CNTNAP5: variants seen among roughly 807,000 people sequenced by gnomAD.
The protein encoded by CNTNAP5 is contactin-associated protein-like 5.
Under a neutral mutation model 150.2 loss-of-function variants are expected in CNTNAP5, and 72 were observed. The observed-to-expected ratio is 0.48, with a 90% CI of 0.40 to 0.58. CNTNAP5 has a LOEUF of 0.58. CNTNAP5 is among the 20% of genes least tolerant of loss of function. The pLI is 0.00. For missense variants in CNTNAP5, 1,636 were observed against 1,626.2 expected (o/e 1.01, Z -0.10); for synonymous variants, 672 against 619.8 (o/e 1.08, Z -1.25).
intron 1 of CNTNAP5, among the ~76,000 whole-genome samples, chr2:124,058,635 G>A (rs1397261016): frequency 6.6e-6 from 1 of 152,072 alleles, no homozygotes; most frequent in Non-Finnish European, 1.5e-5. Flanking sequence ...TAATTTGCCT[G>A]TCGTTGTCAT....
intron 3 of CNTNAP5, among the ~76,000 whole-genome samples, chr2:124,278,290 AATTAACTTG>A (rs1259133467): frequency 2.0e-5 from 3 of 152,182 alleles, no homozygotes; most frequent in African/African-American, 7.2e-5. Context: ...AAGAATAACA[AATTAACTTG>A]AAGATAAAAA....
intron 19 of CNTNAP5, among the ~76,000 whole-genome samples, chr2:124,856,231 G>A (rs916657466): frequency 6.6e-6 from 1 of 152,100 alleles, no homozygotes; most frequent in African/African-American, 2.4e-5. Flanking sequence ...TTCTTAATCT[G>A]CTAGTTGATT....
chr2:124,823,841 G>A (rs1682538084), intron 19 of CNTNAP5, among the ~76,000 whole-genome samples: 1 of 152,078 alleles, frequency 6.6e-6, no homozygotes, highest in Middle Eastern at 3.2e-3. Flanking sequence ...ATGGTGATGA[G>A]TTGCTGTCAT....
chr2:124,654,402 C>T (rs1303211700), intron 13 of CNTNAP5, among the ~76,000 whole-genome samples: 1 of 152,144 alleles, frequency 6.6e-6, no homozygotes, highest in African/African-American at 2.4e-5. Context: ...AAGTCATCTC[C>T]TATGCCTAGT....
intron 19 of CNTNAP5, among the ~76,000 whole-genome samples, chr2:124,859,295 A>G (rs539502890): frequency 6.5e-4 from 99 of 152,326 alleles, no homozygotes; most frequent in African/African-American, 2.3e-3. Context: ...GCAGCCAAAA[A>G]ACACATGAAA....
At chr2:124,090,135 GC>G (rs1289642001) in intron 1 of CNTNAP5, among the ~76,000 whole-genome samples, 1 of 152,186 alleles carries the variant, frequency 6.6e-6, no homozygotes, top group African/African-American at 2.4e-5. Context: ...AAAATATCCT[GC>G]ATGTGAGAAG....
chr2:124,907,779 C>T (rs984341631), intron 22 of CNTNAP5, among the ~76,000 whole-genome samples: 5 of 150,226 alleles, frequency 3.3e-5, no homozygotes, highest in East Asian at 2.0e-4. Context: ...GTTACTTTGC[C>T]GAAGGTGTCC....
chr2:124,896,787 C>T (rs1678315919), intron 21 of CNTNAP5, among the ~76,000 whole-genome samples: 1 of 151,618 alleles, frequency 6.6e-6, no homozygotes, highest in South Asian at 2.1e-4. Flanking sequence ...GATCCACACG[C>T]TTCGGCCTCC....
chr2:124,451,288 G>A, intron 6 of CNTNAP5, among the ~76,000 whole-genome samples: 1 of 151,204 alleles, frequency 6.6e-6, no homozygotes, highest in Non-Finnish European at 1.5e-5. Context: ...AAAATACATA[G>A]ATGTTTAATC....
At chr2:124,165,056 T>C (rs1256290664) in intron 1 of CNTNAP5, among the ~76,000 whole-genome samples, 2 of 152,184 alleles carry the variant, frequency 1.3e-5, no homozygotes, top group Admixed American at 6.5e-5. Flanking sequence ...AATGTCTGTG[T>C]ACATGTGGAT....
At chr2:124,288,719 G>T (rs1190484598) in intron 3 of CNTNAP5, among the ~76,000 whole-genome samples, 1 of 151,910 alleles carries the variant, frequency 6.6e-6, no homozygotes, top group Non-Finnish European at 1.5e-5. Context: ...TTCCTAATAG[G>T]CACTTTATTA....
intron 2 of CNTNAP5, among the ~76,000 whole-genome samples, chr2:124,235,791 A>G (rs1389693058): frequency 6.6e-6 from 1 of 152,070 alleles, no homozygotes; most frequent in Admixed American, 6.5e-5. Flanking sequence ...TTATTATCCA[A>G]AATCACCACT....
intron 13 of CNTNAP5, among the ~76,000 whole-genome samples, chr2:124,681,672 G>A (rs899186575): frequency 2.6e-5 from 4 of 152,100 alleles, no homozygotes; most frequent in Non-Finnish European, 4.4e-5. Flanking sequence ...CAAGCTATTC[G>A]CCTGCCTCAG....
chr2:124,573,646 A>G (rs1255385016), intron 11 of CNTNAP5, among the ~76,000 whole-genome samples: 2 of 152,238 alleles, frequency 1.3e-5, no homozygotes, highest in East Asian at 3.8e-4. Context: ...TTCAATCAAC[A>G]GAAGATTAAT....
intron 11 of CNTNAP5, among the ~76,000 whole-genome samples, chr2:124,571,527 C>CTTTTTCTTTTTCTCTTTGTTTTCTTTTTT: frequency 6.4e-5 from 3 of 46,844 alleles, no homozygotes; most frequent in Admixed American, 3.3e-4. Flanking sequence ...TTTCTTTTTT[C>CTTTTTCTTTTTCTCTTTGTTTTCTTTTTT]TTTTTTTTTT....
At chr2:124,442,084 C>A (rs1692688312) in intron 5 of CNTNAP5, among the ~76,000 whole-genome samples, 1 of 152,030 alleles carries the variant, frequency 6.6e-6, no homozygotes, top group South Asian at 2.1e-4. Context: ...TTCCTAAAGT[C>A]TTAAAATTAT....
intron 3 of CNTNAP5, among the ~76,000 whole-genome samples, chr2:124,262,117 C>G (rs910624461): frequency 3.3e-5 from 5 of 151,818 alleles, no homozygotes; most frequent in Admixed American, 2.0e-4. Flanking sequence ...TGGTGGCATG[C>G]ACCTGTAGTC....
intron 11 of CNTNAP5, among the ~76,000 whole-genome samples, chr2:124,605,841 A>G (rs1456313499): frequency 6.6e-6 from 1 of 150,454 alleles, no homozygotes; most frequent in Non-Finnish European, 1.5e-5. Context: ...AAAGAAGGAA[A>G]GAAAGAAAGA....
intron 3 of CNTNAP5, among the ~76,000 whole-genome samples, chr2:124,243,846 G>T (rs1177386141): frequency 6.6e-6 from 1 of 152,026 alleles, no homozygotes; most frequent in East Asian, 1.9e-4. Context: ...GTATTTTGGG[G>T]ACTATTTTAT....
Sources: allele counts gnomAD v4.1 joint callset (sites outside exome capture counted in the v4.1 genomes callset), GRCh38; gene constraint gnomAD v4.1.1; transcripts MANE v1.5; gene names NCBI Gene and HGNC (gene_info 2026-07-23, HGNC 2026-07-21).